The following TOLLIP variants were observed in gnomAD, a reference collection of about 807,000 sequenced individuals.
The protein encoded by TOLLIP is toll interacting protein.
In TOLLIP, 16 loss-of-function variants were observed where a neutral mutation model predicts 33.5. That is an observed-to-expected ratio of 0.48 (90% confidence interval 0.32 to 0.72). The LOEUF (loss-of-function observed/expected upper bound fraction) is 0.72. Among genes scored for constraint, TOLLIP ranks in the 30% least tolerant of loss-of-function variants. The pLI is 0.03. For missense variants in TOLLIP, 325 were observed against 396.6 expected (o/e 0.82, Z 1.53); for synonymous variants, 176 against 163.7 (o/e 1.07, Z -0.57).
intron 1 of TOLLIP, among the ~76,000 whole-genome samples, chr11:1,304,721 G>A (rs898898025): frequency 2.0e-5 from 3 of 152,164 alleles, no homozygotes; most frequent in African/African-American, 7.2e-5. Flanking sequence ...TACTTTCCCA[G>A]CACAGTGTGT....
rs1564963051 is a variant in TOLLIP, at chr11:1,278,005, C to T, written c.611-752G>A. On this transcript the variant is annotated intron_variant, in intron 5 of 5. Coordinates refer to ENST00000317204, the MANE Select transcript of TOLLIP (RefSeq NM_019009.4). The surrounding 1 kb of genome is among the most constrained non-coding windows in gnomAD (Gnocchi z 4.7). ...CCCCACAGCTACGCAGGCCCCTCGCCCCATGTCTGATGCGGGAGGACACAC... is the reference window on the plus strand; with the variant it reads ...CCCCACAGCTACGCAGGCCCCTCGCTCCATGTCTGATGCGGGAGGACACAC... 6.6e-6 allele frequency among the ~76,000 whole-genome samples: 1 copy of T among 152,190 alleles called. No individual in the cohort carries two copies. Among genetic ancestry groups the T allele is most frequent in the Non-Finnish European group, 1.5e-5 (1 of 68,042 alleles).
chr11:1,308,709 G>C (rs1242894054), intron 1 of TOLLIP, among the ~76,000 whole-genome samples: 1 of 152,242 alleles, frequency 6.6e-6, no homozygotes. Context: ...AAGAAACTGA[G>C]GTTTTGCACG....
Position 1,303,725 on chromosome 11 carries a change from T to G in TOLLIP, c.33+5741A>C, listed in dbSNP as rs1864349120. On this transcript the variant is annotated intron_variant, in intron 1 of 5. Transcript: ENST00000317204. This position sits in a 1 kb window ranked among gnomAD's most constrained non-coding sequence, Gnocchi z 4.2. The stretch of plus-strand genomic sequence containing the variant: ...GCCTGTCGGGCAGGTCAAGGGACAG[T>G]GTTAGAGGCCCAGATGAACAGAGGT... 6.6e-6 allele frequency among the ~76,000 whole-genome samples: 1 copy of G among 151,846 alleles called. No homozygotes were observed. Among genetic ancestry groups the G allele is most frequent in the African/African-American group, 2.4e-5 (1 of 41,336 alleles).
intron 1 of TOLLIP, among the ~76,000 whole-genome samples, chr11:1,300,409 C>T (rs1322842301): frequency 6.6e-6 from 1 of 152,208 alleles, no homozygotes; most frequent in African/African-American, 2.4e-5. Context: ...ACATTCACTT[C>T]TATTTAAAAC....
At chr11:1,283,135 C>T (rs1423504391) in intron 5 of TOLLIP, 1 of 180,988 alleles carries the variant, frequency 5.5e-6, no homozygotes, top group Non-Finnish European at 1.2e-5. Flanking sequence ...ACTAGCCCTG[C>T]ACTGGGTAAA....
intron 1 of TOLLIP, among the ~76,000 whole-genome samples, chr11:1,300,478 T>C (rs1864236981): frequency 6.6e-6 from 1 of 152,254 alleles, no homozygotes; most frequent in African/African-American, 2.4e-5. Context: ...TAATTCTTCT[T>C]TTTTGTCATG....
At chr11:1,302,575 G>A in intron 1 of TOLLIP, 2 of 986,008 alleles carry the variant, frequency 2.0e-6, no homozygotes, top group Non-Finnish European at 2.4e-6. Context: ...CCAAAAGCTG[G>A]ACCAGTACCT....
chr11:1,288,727 G>A lies in TOLLIP; in HGVS notation c.416C>T (p.Pro139Leu), dbSNP rs370240528. 1.2e-4 allele frequency: 200 copies of A among 1,612,850 alleles called. 1 individual carries two copies. Among genetic ancestry groups the A allele is most frequent in the South Asian group, 2.3e-4 (21 of 91,082 alleles). The part of the protein sequence containing the change: ...DRIAWTHITI[P>L]ESLRQGKVED... Reference sequence around the variant, plus strand: ...CACCTTGCCCTGCCTCAGGGACTCCGGGATGGTGATGTGGGTCCAGGCAAT... The same window carrying A: ...CACCTTGCCCTGCCTCAGGGACTCCAGGATGGTGATGTGGGTCCAGGCAAT... Residue 139 changes from proline (P) to leucine (L), a missense_variant, in exon 4 of 6, where the codon CCG becomes CTG. Pro to Leu is a moderately conservative substitution (Grantham distance 98). Transcript: ENST00000317204.
chr11:1,280,293 C>T (rs922010681), intron 5 of TOLLIP, among the ~76,000 whole-genome samples: 5 of 152,230 alleles, frequency 3.3e-5, no homozygotes, highest in East Asian at 1.9e-4. Context: ...GCGCTGCGAA[C>T]GCCGGCTGCT....
intron 4 of TOLLIP, among the ~76,000 whole-genome samples, chr11:1,287,419 C>T (rs1382710885): frequency 6.4e-5 from 8 of 124,598 alleles, no homozygotes; most frequent in East Asian, 2.4e-4. Context: ...GCCTCCCCGC[C>T]GCACCCTCCC....
chr11:1,286,252 A>G (rs1863689319), intron 4 of TOLLIP, among the ~76,000 whole-genome samples, 160 bp from the exon 5 acceptor site: 1 of 152,160 alleles, frequency 6.6e-6, no homozygotes, highest in Non-Finnish European at 1.5e-5. Flanking sequence ...CTGAGTGCAC[A>G]GGGGACGCTG....
At chr11:1,293,396 G>A (rs1267647880) in intron 2 of TOLLIP, among the ~76,000 whole-genome samples, 9 of 152,230 alleles carry the variant, frequency 5.9e-5, no homozygotes, top group Admixed American at 2.0e-4. Flanking sequence ...AGAAGTCACC[G>A]GGATGTGTGG....
At chr11:1,279,286 G>A (rs5744006) in intron 5 of TOLLIP, among the ~76,000 whole-genome samples, 232 of 152,356 alleles carry the variant, frequency 1.5e-3, no homozygotes, top group Admixed American at 4.0e-3. Flanking sequence ...GTGCTTCCAC[G>A]GTGTGGGCTG....
At chr11:1,295,176 G>C (rs985006342) in intron 2 of TOLLIP, among the ~76,000 whole-genome samples, 1 of 152,220 alleles carries the variant, frequency 6.6e-6, no homozygotes, top group African/African-American at 2.4e-5. Context: ...GCCGATTTTG[G>C]CTTTCACTTG....
At chr11:1,281,481 A>T (rs1001763221) in intron 5 of TOLLIP, among the ~76,000 whole-genome samples, 1 of 152,128 alleles carries the variant, frequency 6.6e-6, no homozygotes. Context: ...ACACCACGGG[A>T]GGCTCTCGGG....
chr11:1,279,048 C>T (rs1311319311), intron 5 of TOLLIP, among the ~76,000 whole-genome samples: 2 of 152,256 alleles, frequency 1.3e-5, no homozygotes, highest in Admixed American at 1.3e-4. Context: ...CGTGCTCCCA[C>T]TCTCTCCAGC....
chr11:1,277,950 G>A lies in TOLLIP; in HGVS notation c.611-697C>T, dbSNP rs1401946969. 6.6e-6 allele frequency among the ~76,000 whole-genome samples: 1 copy of A among 152,158 alleles called. No homozygotes were observed. The highest frequency in any genetic ancestry group is 2.4e-5 in the African/African-American group (1 of 41,446). The stretch of plus-strand genomic sequence containing the variant: ...GTACAGTGGACCCTCAGTGCACTGG[G>A]GCCACCGTCCAGGGTTCCTGGCATC... On this transcript the variant is annotated intron_variant, in intron 5 of 5. Transcript: ENST00000317204. This position sits in a 1 kb window ranked among gnomAD's most constrained non-coding sequence, Gnocchi z 4.2.
intron 1 of TOLLIP, among the ~76,000 whole-genome samples, chr11:1,297,713 C>A (rs1437922451): frequency 6.6e-6 from 1 of 152,204 alleles, no homozygotes; most frequent in Non-Finnish European, 1.5e-5. Context: ...CCCGGAGGGA[C>A]CCCCTGCCCT....
At chr11:1,302,976 C>A (rs1864326152) in intron 1 of TOLLIP, among the ~76,000 whole-genome samples, 1 of 147,380 alleles carries the variant, frequency 6.8e-6, no homozygotes, top group Non-Finnish European at 1.5e-5. Flanking sequence ...TTTAATTATA[C>A]AAAACACAAC....
Sources: gnomAD v4.1 joint callset for allele counts (sites outside exome capture counted in the v4.1 genomes callset) on GRCh38, gnomAD v4.1.1 for gene constraint, Gnocchi (gnomAD v3.1) non-coding constraint, MANE v1.5 for transcripts, NCBI Gene and HGNC (gene_info 2026-07-23, HGNC 2026-07-21) for gene names.